DLGAP2: variants seen among roughly 807,000 people sequenced by gnomAD.
The protein encoded by DLGAP2 is disks large-associated protein 2.
A neutral mutation model predicts 100.3 loss-of-function variants in DLGAP2; 26 were observed. That is an observed-to-expected ratio of 0.26 (90% CI 0.19 to 0.36). The LOEUF (loss-of-function observed/expected upper bound fraction) is 0.36, where lower values mean the gene tolerates loss of function less well. Among genes scored for constraint, DLGAP2 ranks in the 10% least tolerant of loss-of-function variants. The pLI, the probability that DLGAP2 is intolerant of heterozygous loss-of-function variation, is 1.00. For synonymous variants in DLGAP2, 886 were observed against 630.1 expected, an observed-to-expected ratio of 1.41 and a Z score of -6.08; for missense variants, 1,858 against 1,453.2, an observed-to-expected ratio of 1.28 and a Z score of -4.53.
intron 2 of DLGAP2, among the ~76,000 whole-genome samples, chr8:1,155,076 A>G (rs1187697949): frequency 2.0e-5 from 3 of 151,960 alleles, no homozygotes; most frequent in Non-Finnish European, 4.4e-5. Flanking sequence ...CACCCTGGCC[A>G]CTGCCTTCGT....
intron 3 of DLGAP2, among the ~76,000 whole-genome samples, chr8:1,376,945 A>T (rs1246241681): frequency 1.3e-5 from 2 of 152,224 alleles, no homozygotes; most frequent in Non-Finnish European, 2.9e-5. Flanking sequence ...TTCTGAAGGA[A>T]TGGGAACTGA....
intron 2 of DLGAP2, among the ~76,000 whole-genome samples, chr8:941,358 C>T (rs1222705468): frequency 1.3e-5 from 2 of 152,218 alleles, no homozygotes; most frequent in South Asian, 2.1e-4. Context: ...AGGGTCATGT[C>T]CCAAGCCCGG....
intron 3 of DLGAP2, among the ~76,000 whole-genome samples, chr8:1,468,301 C>T (rs529252964): frequency 6.4e-4 from 97 of 151,490 alleles, no homozygotes; most frequent in East Asian, 5.9e-4. Flanking sequence ...CCAGCAGCCT[C>T]GGTCCATTCT....
At chr8:1,616,123 G>A (rs1005418639) in intron 6 of DLGAP2, among the ~76,000 whole-genome samples, 1 of 152,120 alleles carries the variant, frequency 6.6e-6, no homozygotes, top group Non-Finnish European at 1.5e-5. Flanking sequence ...AAAAATTTAT[G>A]GGATGTGTTT....
At chr8:1,615,358 G>GT (rs951854202) in intron 6 of DLGAP2, among the ~76,000 whole-genome samples, 14 of 152,170 alleles carry the variant, frequency 9.2e-5, no homozygotes, top group African/African-American at 1.7e-4. Context: ...GAGGGAGCAG[G>GT]TGCCGGGGTC....
At chr8:1,380,542 G>A (rs759160139) in intron 3 of DLGAP2, among the ~76,000 whole-genome samples, 26 of 152,034 alleles carry the variant, frequency 1.7e-4, no homozygotes, top group Admixed American at 3.3e-4. Context: ...GAAAGTGTGC[G>A]GGCCTTTTGC....
chr8:1,438,231 C>T (rs1440226963), intron 3 of DLGAP2, among the ~76,000 whole-genome samples: 1 of 152,146 alleles, frequency 6.6e-6, no homozygotes, highest in Admixed American at 6.5e-5. Flanking sequence ...TAGAGTGTGT[C>T]TCAGACTTTG....
chr8:1,701,526 C>G lies in DLGAP2; in HGVS notation c.*120C>G. 2 of 1,114,652 alleles carry G rather than the reference C, an allele frequency of 1.8e-6. No individual in the cohort carries two copies. The highest frequency in any genetic ancestry group is 3.3e-5 in the South Asian group (2 of 61,426). The allele number at this position is 1,114,652 out of a possible 1,614,324, so 69.0% of individuals were successfully genotyped here. On this transcript the variant is annotated 3_prime_UTR_variant, in exon 15 of 15. Coordinates refer to ENST00000637795, the MANE Select transcript of DLGAP2 (RefSeq NM_001346810.2). ...CTGAACACGTCCTCGCTCCCGCGCTCCCCGCGCCCCGGACACAGCGGGACG... is the reference window on the plus strand; with the variant it reads ...CTGAACACGTCCTCGCTCCCGCGCTGCCCGCGCCCCGGACACAGCGGGACG...
chr8:1,511,187 T>C (rs920141977), intron 4 of DLGAP2, among the ~76,000 whole-genome samples: 6 of 151,628 alleles, frequency 4.0e-5, no homozygotes, highest in East Asian at 3.9e-4. Context: ...TAGATGACCA[T>C]CTTCCATGGA....
chr8:1,163,069 T>A (rs1302125080), intron 2 of DLGAP2, among the ~76,000 whole-genome samples: 1 of 152,174 alleles, frequency 6.6e-6, no homozygotes, highest in Non-Finnish European at 1.5e-5. Flanking sequence ...CGTGGAGTCC[T>A]CGGCTGGTAA....
chr8:1,410,641 A>G (rs1345778249), intron 3 of DLGAP2, among the ~76,000 whole-genome samples: 2 of 152,200 alleles, frequency 1.3e-5, no homozygotes, highest in Non-Finnish European at 2.9e-5. Flanking sequence ...GCTTGTAAGT[A>G]TGAAGAGGCA....
intron 3 of DLGAP2, chr8:1,301,624 G>T (rs541169054): frequency 2.6e-5 from 4 of 152,424 alleles, no homozygotes; most frequent in Non-Finnish European, 5.9e-5. Context: ...CTGGGAGAGG[G>T]TAGAGGATAA....
intron 1 of DLGAP2, among the ~76,000 whole-genome samples, chr8:809,832 T>C (rs1325643942): frequency 6.6e-6 from 1 of 152,212 alleles, no homozygotes; most frequent in Non-Finnish European, 1.5e-5. Context: ...TCTTTGTCCC[T>C]CACTGTTCAT....
chr8:1,050,067 TAC>T (rs780641228), intron 2 of DLGAP2, among the ~76,000 whole-genome samples: 22 of 152,188 alleles, frequency 1.4e-4, no homozygotes, highest in Non-Finnish European at 3.1e-4. Flanking sequence ...TACATACGTG[TAC>T]ACACATGCAC....
In DLGAP2 at chr8:1,043,896, G is replaced by A. The variant is rs116201739; in HGVS notation, c.73+135930G>A. Among the ~76,000 whole-genome samples the A allele has an allele frequency of 4.8e-3, 732 of 152,200 alleles. 2 individuals are homozygous for A. Among genetic ancestry groups the A allele is most frequent in the African/African-American group, 0.016 (684 of 41,488 alleles). On this transcript the variant is annotated intron_variant, in intron 2 of 14. Coordinates refer to ENST00000637795, the MANE Select transcript of DLGAP2 (RefSeq NM_001346810.2). ...GTGCCTCGCTGCTGGGCTCCAGGAA[G>A]GCAGGTGTGGAGAGACGGGCAGTGA...
chr8:829,324 G>C (rs1021979684), intron 1 of DLGAP2, among the ~76,000 whole-genome samples: 2 of 152,212 alleles, frequency 1.3e-5, no homozygotes, highest in Non-Finnish European at 2.9e-5. Context: ...GATGAAGTTT[G>C]TTCCACCTGT....
intron 10 of DLGAP2, 55 bp downstream of exon 10, chr8:1,669,839 C>A: frequency 1.3e-6 from 1 of 780,816 alleles, no homozygotes; most frequent in African/African-American, 1.7e-5. Flanking sequence ...ATTTTCTCTC[C>A]CTTTTTTGGA....
rs7001065 is a variant in DLGAP2, at chr8:1,641,158, A to G, written c.1810+8112A>G. 4.2e-3 allele frequency among the ~76,000 whole-genome samples: 641 copies of G among 152,266 alleles called. 2 individuals are homozygous for G. The highest frequency in any genetic ancestry group is 0.015 in the African/African-American group (614 of 41,538). On this transcript the variant is annotated intron_variant, in intron 8 of 14. Transcript: ENST00000637795. ...CAGTAAGGGTTTCCAAAGGTTAAAT[A>G]CTTGACACCTCTGTCTAGAACAGAC...
chr8:1,096,296 A>G lies in DLGAP2; in HGVS notation c.74-162555A>G, dbSNP rs564796491. Among the ~76,000 whole-genome samples, 15 of 152,322 alleles carry G rather than the reference A, an allele frequency of 9.8e-5. No individual in the cohort carries two copies. The South Asian group carries it at 3.1e-3, about 32-fold the overall frequency. ...CCAAGCCTTTGCTCAGACCTCTCCC[A>G]AGGAAACTTGGATGCAGGAGGTTTG... On this transcript the variant is annotated intron_variant, in intron 2 of 14. Coordinates refer to ENST00000637795, the MANE Select transcript of DLGAP2 (RefSeq NM_001346810.2).
Sources: allele counts gnomAD v4.1 joint callset (sites outside exome capture counted in the v4.1 genomes callset), GRCh38; gene constraint gnomAD v4.1.1; transcripts MANE v1.5; gene names NCBI Gene and HGNC (gene_info 2026-07-23, HGNC 2026-07-21).